The following RIMS4 variants were observed in gnomAD, a reference collection of about 807,000 sequenced individuals.
The protein encoded by RIMS4 is regulating synaptic membrane exocytosis 4, also known as regulating synaptic membrane exocytosis protein 4.
RIMS4 carries 9 observed loss-of-function variants against 29.0 expected under a neutral mutation model. The observed-to-expected ratio is 0.31, with a 90% confidence interval of 0.19 to 0.54. The LOEUF is 0.54. Among genes scored for constraint, RIMS4 ranks in the 20% least tolerant of loss-of-function variants. The pLI, the probability that RIMS4 is intolerant of heterozygous loss-of-function variation, is 0.94. For synonymous variants in RIMS4, 130 were observed against 152.9 expected (o/e 0.85, Z 1.10); for missense variants, 193 against 365.7 (o/e 0.53, Z 3.85).
intron 1 of RIMS4, among the ~76,000 whole-genome samples, chr20:44,774,467 T>C (rs947520393): frequency 5.3e-5 from 8 of 152,018 alleles, no homozygotes; most frequent in Non-Finnish European, 1.5e-5. Context: ...GTGGAAAGAC[T>C]AGACTGGCTT....
rs376339137 is a variant in RIMS4, at chr20:44,752,850, C to G, written c.*3284G>C. On this transcript the variant is annotated 3_prime_UTR_variant, in exon 6 of 6. Coordinates refer to ENST00000372851, the MANE Select transcript of RIMS4 (RefSeq NM_182970.4). The stretch of plus-strand genomic sequence containing the variant: ...ATGGCCCCTTACAAGGGCCCTCCAC[C>G]CAGGCATCAAGGTCTAGACCCAATC... The G allele has an allele frequency of 2.0e-5, 3 of 152,476 alleles. No individual in the cohort carries two copies. In the South Asian group the frequency reaches 6.2e-4, roughly 32 times the overall value. 9.4% of individuals were successfully genotyped at this position (152,476 alleles called of 1,614,324 possible). A position where few individuals can be genotyped will look rare whatever the true frequency, so the allele number is the denominator to read the frequency against.
chr20:44,764,071 C>CATTT (rs1568895483), intron 2 of RIMS4, among the ~76,000 whole-genome samples: 122 of 148,728 alleles, frequency 8.2e-4, no homozygotes, highest in African/African-American at 2.9e-3. Context: ...TCCATTTATC[C>CATTT]ATCCATCCAT....
chr20:44,765,801 C>G (rs1319418304), intron 2 of RIMS4, among the ~76,000 whole-genome samples: 1 of 152,094 alleles, frequency 6.6e-6, no homozygotes, highest in Non-Finnish European at 1.5e-5. Flanking sequence ...CCAGACATCT[C>G]GGGACAACAA....
chr20:44,799,483 C>T (rs528500615), intron 1 of RIMS4, among the ~76,000 whole-genome samples: 3 of 152,074 alleles, frequency 2.0e-5, no homozygotes, highest in South Asian at 2.1e-4. Context: ...GGATGGGCCC[C>T]GGAGGCACCT....
At chr20:44,807,286 T>C (rs1195500384) in intron 1 of RIMS4, among the ~76,000 whole-genome samples, 1 of 152,214 alleles carries the variant, frequency 6.6e-6, no homozygotes, top group Non-Finnish European at 1.5e-5. Context: ...CTCAGCTTCC[T>C]GTGCCCACCC....
At chr20:44,782,415 C>T (rs2066188541) in intron 1 of RIMS4, among the ~76,000 whole-genome samples, 1 of 147,410 alleles carries the variant, frequency 6.8e-6, no homozygotes, top group Admixed American at 6.8e-5. Context: ...CATGCATGCA[C>T]CACCATGCCT....
intron 2 of RIMS4, among the ~76,000 whole-genome samples, chr20:44,765,097 A>G (rs538291307): frequency 3.9e-5 from 6 of 152,198 alleles, no homozygotes; most frequent in Non-Finnish European, 8.8e-5. Flanking sequence ...CATTTTATAA[A>G]ATGGGAAACT....
chr20:44,771,702 T>C (rs1274376003), intron 1 of RIMS4, among the ~76,000 whole-genome samples: 1 of 152,238 alleles, frequency 6.6e-6, no homozygotes, highest in African/African-American at 2.4e-5. Context: ...CTCTTCCTCC[T>C]CTTCAGCTAC....
chr20:44,782,447 T>G (rs927461575), intron 1 of RIMS4, among the ~76,000 whole-genome samples: 1 of 152,122 alleles, frequency 6.6e-6, no homozygotes, highest in Non-Finnish European at 1.5e-5. Context: ...TTTTTCCTTT[T>G]TGTATTTTTA....
intron 1 of RIMS4, among the ~76,000 whole-genome samples, chr20:44,793,556 A>C (rs1467837848): frequency 6.6e-6 from 1 of 152,186 alleles, no homozygotes. Flanking sequence ...ATCCATCCTC[A>C]GGAGAATGAA....
At chr20:44,793,327 A>G (rs1414763929) in intron 1 of RIMS4, among the ~76,000 whole-genome samples, 2 of 152,214 alleles carry the variant, frequency 1.3e-5, no homozygotes, top group Non-Finnish European at 2.9e-5. Flanking sequence ...TCTGACAAAT[A>G]TGTCTTCATA....
chr20:44,795,756 A>G (rs1202769721), intron 1 of RIMS4, among the ~76,000 whole-genome samples: 2 of 152,178 alleles, frequency 1.3e-5, no homozygotes, highest in Non-Finnish European at 2.9e-5. Context: ...AATTATCTGT[A>G]TCGGCCTTTT....
At chr20:44,799,383 C>A (rs545934324) in intron 1 of RIMS4, among the ~76,000 whole-genome samples, 1 of 152,202 alleles carries the variant, frequency 6.6e-6, no homozygotes, top group African/African-American at 2.4e-5. Context: ...GGGGGTCCCT[C>A]TGCGAGGACT....
chr20:44,776,873 G>A (rs543100191), intron 1 of RIMS4, among the ~76,000 whole-genome samples: 1 of 152,282 alleles, frequency 6.6e-6, no homozygotes, highest in East Asian at 1.9e-4. Context: ...AATGAGGATC[G>A]AGAAGGTTAA....
intron 1 of RIMS4, among the ~76,000 whole-genome samples, chr20:44,792,751 G>GA (rs1440152102): frequency 6.6e-6 from 1 of 152,150 alleles, no homozygotes; most frequent in East Asian, 1.9e-4. Flanking sequence ...TGGCATATAT[G>GA]AAATAATAAA....
chr20:44,762,201 G>C (rs1471528672), intron 2 of RIMS4, among the ~76,000 whole-genome samples: 1 of 152,240 alleles, frequency 6.6e-6, no homozygotes, highest in Non-Finnish European at 1.5e-5. Flanking sequence ...ACAGGAGGCA[G>C]AGCTCAGGCG....
chr20:44,805,090 G>A (rs1336329075), intron 1 of RIMS4, among the ~76,000 whole-genome samples: 3 of 152,026 alleles, frequency 2.0e-5, no homozygotes, highest in Non-Finnish European at 4.4e-5. Context: ...GTTGAGTTCA[G>A]GAGTTTGAGA....
At chr20:44,759,791 T>C (rs1236420241) in intron 2 of RIMS4, among the ~76,000 whole-genome samples, 1 of 152,224 alleles carries the variant, frequency 6.6e-6, no homozygotes, top group Non-Finnish European at 1.5e-5. Flanking sequence ...ACCCATAAAC[T>C]CTACTAGCTA....
intron 1 of RIMS4, among the ~76,000 whole-genome samples, chr20:44,772,362 T>C (rs1401441606): frequency 6.6e-6 from 1 of 152,180 alleles, no homozygotes; most frequent in Non-Finnish European, 1.5e-5. Flanking sequence ...GCGAAGACCA[T>C]AAACTCCATG....
Sources: gnomAD v4.1 joint callset for allele counts (sites outside exome capture counted in the v4.1 genomes callset) on GRCh38, gnomAD v4.1.1 for gene constraint, MANE v1.5 for transcripts, NCBI Gene and HGNC (gene_info 2026-07-23, HGNC 2026-07-21) for gene names.